The following GPC5 variants were observed in gnomAD, a reference collection of about 807,000 sequenced individuals.
The protein encoded by GPC5 is glypican-5.
A neutral mutation model predicts 53.9 loss-of-function variants in GPC5; 47 were observed. The observed-to-expected ratio is 0.87, with a 90% CI of 0.69 to 1.11. The LOEUF (loss-of-function observed/expected upper bound fraction) is 1.11. Ranked by LOEUF, GPC5 falls within the 50% of genes most tolerant of loss-of-function variation. The pLI, the probability that GPC5 is intolerant of heterozygous loss-of-function variation, is 0.00. For missense variants in GPC5, 748 were observed against 713.1 expected (o/e 1.05, Z -0.56); for synonymous variants, 286 against 263.3 (o/e 1.09, Z -0.84).
Position 92,860,594 on chromosome 13 carries a change from C to A in GPC5, c.1562-5688C>A, listed in dbSNP as rs7334748. ...ATTTGTTAGAATCCTTAATGTCCAG[C>A]CAAAATACATGTGGCTAATGTTAGC... On this transcript the variant is annotated intron_variant, in intron 7 of 7. Transcript: ENST00000377067. 4.9e-3 allele frequency among the ~76,000 whole-genome samples: 746 copies of A among 152,134 alleles called. 6 individuals are homozygous for A. Among genetic ancestry groups the A allele is most frequent in the African/African-American group, 0.017 (725 of 41,532 alleles).
intron 7 of GPC5, among the ~76,000 whole-genome samples, chr13:92,771,989 C>T (rs1156811616): frequency 3.3e-5 from 5 of 152,234 alleles, no homozygotes; most frequent in Middle Eastern, 3.4e-3. Context: ...CAAGTTCATT[C>T]TTTCAGAAAC....
chr13:91,952,333 T>C (rs894112171), intron 6 of GPC5, among the ~76,000 whole-genome samples: 1 of 152,110 alleles, frequency 6.6e-6, no homozygotes, highest in Non-Finnish European at 1.5e-5. Context: ...GAAAAACAAA[T>C]GCAGGCTCAG....
intron 7 of GPC5, among the ~76,000 whole-genome samples, chr13:92,294,813 C>CA (rs2043022133): frequency 3.8e-5 from 4 of 103,990 alleles, no homozygotes; most frequent in East Asian, 2.8e-4. Flanking sequence ...CTGTTTCTTT[C>CA]TTTTTTTTTT....
intron 5 of GPC5, among the ~76,000 whole-genome samples, chr13:91,861,489 C>T (rs939204634): frequency 6.6e-6 from 1 of 151,952 alleles, no homozygotes; most frequent in African/African-American, 2.4e-5. Context: ...TAATGCATCC[C>T]CTTTTCCAGT....
chr13:92,207,815 C>A (rs925096751), intron 7 of GPC5, among the ~76,000 whole-genome samples: 12 of 152,002 alleles, frequency 7.9e-5, no homozygotes, highest in African/African-American at 2.4e-4. Context: ...CAAGTTGGTG[C>A]AATATATTCT....
chr13:91,926,716 G>C lies in GPC5; in HGVS notation c.1401+18659G>C, dbSNP rs9556133. Among the ~76,000 whole-genome samples the C allele has an allele frequency of 6.1e-4, 93 of 152,304 alleles. 1 individual carries two copies. In the East Asian group the frequency reaches 0.016, roughly 26 times the overall value. ...AGTGGGGAATTATATCTGTCCCTTA[G>C]AGATGGAGATTGGGGAGAGTGTGAA... On this transcript the variant is annotated intron_variant, in intron 6 of 7. Coordinates refer to ENST00000377067, the MANE Select transcript of GPC5 (RefSeq NM_004466.6).
At chr13:92,049,315 A>G (rs1594743401) in intron 6 of GPC5, among the ~76,000 whole-genome samples, 1 of 152,164 alleles carries the variant, frequency 6.6e-6, no homozygotes, top group East Asian at 1.9e-4. Flanking sequence ...CCCTTAGTAC[A>G]TATCACTATC....
At chr13:91,814,488 T>C (rs2038368403) in intron 5 of GPC5, among the ~76,000 whole-genome samples, 1 of 152,172 alleles carries the variant, frequency 6.6e-6, no homozygotes, top group Admixed American at 6.6e-5. Context: ...AAGTTCTTAG[T>C]GGAATGCAGT....
chr13:92,164,041 A>G (rs1225502789), intron 7 of GPC5, among the ~76,000 whole-genome samples: 1 of 152,134 alleles, frequency 6.6e-6, no homozygotes, highest in African/African-American at 2.4e-5. Context: ...AGAAGAGCAC[A>G]GGGGAACTGC....
At chr13:91,949,005 A>G (rs139708066) in intron 6 of GPC5, among the ~76,000 whole-genome samples, 1 of 152,344 alleles carries the variant, frequency 6.6e-6, no homozygotes, top group Non-Finnish European at 1.5e-5. Flanking sequence ...GATGGTACTT[A>G]GCTCCATAAG....
intron 2 of GPC5, among the ~76,000 whole-genome samples, chr13:91,675,661 C>A (rs2035365211): frequency 6.6e-6 from 1 of 152,176 alleles, no homozygotes. Flanking sequence ...ATTAAGGAGA[C>A]TTCCTGTGTA....
intron 6 of GPC5, among the ~76,000 whole-genome samples, chr13:92,110,130 C>G (rs537113425): frequency 9.2e-5 from 14 of 152,228 alleles, no homozygotes; most frequent in African/African-American, 3.1e-4. Context: ...TGACATCTTT[C>G]GATCGTTTCA....
intron 7 of GPC5, among the ~76,000 whole-genome samples, chr13:92,455,354 GA>G (rs1301901463): frequency 6.6e-6 from 1 of 152,114 alleles, no homozygotes; most frequent in Non-Finnish European, 1.5e-5. Context: ...TTCCCCTAAA[GA>G]AATACATTGT....
At chr13:92,611,192 A>G (rs140438659) in intron 7 of GPC5, among the ~76,000 whole-genome samples, 112 of 152,290 alleles carry the variant, frequency 7.4e-4, no homozygotes, top group African/African-American at 2.6e-3. Context: ...TAAACCAGGT[A>G]TATTTAAAAT....
intron 7 of GPC5, among the ~76,000 whole-genome samples, chr13:92,150,593 A>G (rs1282621036): frequency 2.0e-5 from 3 of 152,042 alleles, no homozygotes; most frequent in Admixed American, 2.0e-4. Context: ...CATTCTTTTG[A>G]AAAGTTATGT....
At chr13:92,533,283 G>A (rs1008176761) in intron 7 of GPC5, among the ~76,000 whole-genome samples, 6 of 152,020 alleles carry the variant, frequency 3.9e-5, no homozygotes, top group African/African-American at 1.4e-4. Context: ...CATACTGTAG[G>A]TTTTGTATGT....
In GPC5 at chr13:92,175,145, G is replaced by A. The variant is rs142424195; in HGVS notation, c.1561+30156G>A. Reference sequence around the variant, plus strand: ...TGGGATTACAGGCGTGAGCCACTGTGCCTGGCCGAACTTTGATTTTTTCAT... The same window carrying A: ...TGGGATTACAGGCGTGAGCCACTGTACCTGGCCGAACTTTGATTTTTTCAT... On this transcript the variant is annotated intron_variant, in intron 7 of 7. Coordinates refer to ENST00000377067, the MANE Select transcript of GPC5 (RefSeq NM_004466.6). Among the ~76,000 whole-genome samples, 642 of 152,326 alleles carry A rather than the reference G, an allele frequency of 4.2e-3. 9 individuals carry two copies. Among genetic ancestry groups the A allele is most frequent in the African/African-American group, 0.015 (618 of 41,578 alleles).
At chr13:92,127,714 C>A (rs2041710750) in intron 6 of GPC5, among the ~76,000 whole-genome samples, 1 of 152,162 alleles carries the variant, frequency 6.6e-6, no homozygotes. Context: ...GGGATAAAAG[C>A]TCTATGAGGG....
At chr13:91,869,303 C>A (rs2039118421) in intron 5 of GPC5, among the ~76,000 whole-genome samples, 1 of 152,094 alleles carries the variant, frequency 6.6e-6, no homozygotes, top group Admixed American at 6.6e-5. Context: ...TCATGATCCA[C>A]CCGCCTCAGC....
Sources: gnomAD v4.1 joint callset for allele counts (sites outside exome capture counted in the v4.1 genomes callset) on GRCh38, gnomAD v4.1.1 for gene constraint, MANE v1.5 for transcripts, NCBI Gene and HGNC (gene_info 2026-07-23, HGNC 2026-07-21) for gene names.